Variants in CCNT2 observed in about 807,000 individuals in gnomAD.
CCNT2 encodes cyclin T2.
Under a neutral mutation model 70.0 loss-of-function variants are expected in CCNT2, and 18 were observed. The observed-to-expected ratio is 0.26, with a 90% CI of 0.18 to 0.38. The LOEUF (loss-of-function observed/expected upper bound fraction) is 0.38. CCNT2 is among the 10% of genes least tolerant of loss of function. The pLI, the probability that CCNT2 is intolerant of heterozygous loss-of-function variation, is 1.00. For missense variants in CCNT2, 734 were observed against 890.2 expected, an observed-to-expected ratio of 0.82 and a Z score of 2.23; for synonymous variants, 334 against 313.3, an observed-to-expected ratio of 1.07 and a Z score of -0.70.
intron 3 of CCNT2, among the ~76,000 whole-genome samples, chr2:134,938,104 T>C (rs1001106310): frequency 2.6e-5 from 4 of 152,186 alleles, no homozygotes; most frequent in African/African-American, 9.7e-5. Context: ...AATGTAGCCA[T>C]TAAATAATAG....
intron 2 of CCNT2, among the ~76,000 whole-genome samples, chr2:134,936,101 C>G (rs1377472085): frequency 2.0e-5 from 3 of 149,004 alleles, no homozygotes; most frequent in Non-Finnish European, 3.0e-5. Context: ...AAAATGGTGA[C>G]TCTGTGCCTA....
chr2:134,952,801 C>T (rs1343058326), intron 8 of CCNT2, 90 bp downstream of exon 8: 1 of 910,796 alleles, frequency 1.1e-6, no homozygotes, highest in Admixed American at 2.1e-5. Context: ...GTTAAATAAT[C>T]TTTGCAGTAT....
intron 7 of CCNT2, 24 bp from the exon 8 acceptor site, chr2:134,952,617 T>G (rs759492346): frequency 6.8e-7 from 1 of 1,473,838 alleles, no homozygotes; most frequent in South Asian, 1.2e-5. Flanking sequence ...CCTTCTAAGT[T>G]TCAAATTTAA....
In CCNT2 at chr2:134,956,380, A is replaced by G. The variant is rs1682925356; in HGVS notation, c.*1732A>G. ...GAGCCTCTTTGTAGGGACTGTGCCT[A>G]GGTAGCATGTCCTAACATTTGTTCT... On this transcript the variant is annotated 3_prime_UTR_variant, in exon 9 of 9. Transcript: ENST00000264157. 1 of 152,564 alleles carries G rather than the reference A, an allele frequency of 6.6e-6. No homozygotes were observed. The highest frequency in any genetic ancestry group is 1.5e-5 in the Non-Finnish European group (1 of 68,008). 9.5% of individuals were successfully genotyped at this position (152,564 alleles called of 1,614,324 possible).
At chr2:134,922,432 A>G (rs1484228092) in intron 2 of CCNT2, among the ~76,000 whole-genome samples, 3 of 152,232 alleles carry the variant, frequency 2.0e-5, no homozygotes, top group Admixed American at 2.0e-4. Flanking sequence ...AATATTTAAG[A>G]ATAAAATCAG....
At chr2:134,934,833 T>G (rs955410528) in intron 2 of CCNT2, among the ~76,000 whole-genome samples, 1 of 152,206 alleles carries the variant, frequency 6.6e-6, no homozygotes, top group African/African-American at 2.4e-5. Flanking sequence ...TAATTTGACT[T>G]TTGACCTGAG....
chr2:134,930,549 C>G (rs1408035932), intron 2 of CCNT2, among the ~76,000 whole-genome samples: 2 of 152,114 alleles, frequency 1.3e-5, no homozygotes, highest in Admixed American at 6.5e-5. Context: ...GGTATGGTAA[C>G]TTTAGACTCC....
rs16831175 is a variant in CCNT2 at position 134,951,244 on chromosome 2, A to C, written c.704-1397A>C. On this transcript the variant is annotated intron_variant, in intron 7 of 8. Transcript: ENST00000264157. ...ACATTGGCTTAGAATAGTTTACAAA[A>C]AAGCTTGCTATTACAAAATGAACCT... Among the ~76,000 whole-genome samples the C allele has an allele frequency of 0.019, 2,921 of 152,200 alleles. 221 individuals are homozygous for C. The East Asian group carries it at 0.29, about 15-fold the overall frequency.
At chr2:134,924,689 T>TC (rs1051149182) in intron 2 of CCNT2, among the ~76,000 whole-genome samples, 1 of 151,952 alleles carries the variant, frequency 6.6e-6, no homozygotes, top group Non-Finnish European at 1.5e-5. Context: ...ACCTCGTGAT[T>TC]CCCCCCACCT....
At chr2:134,941,780 A>G (rs1200520547) in intron 4 of CCNT2, among the ~76,000 whole-genome samples, 1 of 152,230 alleles carries the variant, frequency 6.6e-6, no homozygotes, top group Non-Finnish European at 1.5e-5. Flanking sequence ...CATATTCTTA[A>G]GCACAGAGAA....
Position 134,954,298 on chromosome 2 carries a change from A to G in CCNT2, c.1843A>G (p.Ser615Gly), listed in dbSNP as rs1254606101. The change falls in exon 9 of 9, where the codon AGC (serine) becomes GGC (glycine). Residue 615 changes from serine to glycine, a missense_variant. Ser to Gly is a moderately conservative substitution (Grantham distance 56). Transcript: ENST00000264157. ...CAGTGATGGCATTTCCTCTAGCTCCAGCTCTTCAAGGAAGAGGCTGCATGT... is the reference window on the plus strand; with the variant it reads ...CAGTGATGGCATTTCCTCTAGCTCCGGCTCTTCAAGGAAGAGGCTGCATGT... ...LSSDGISSSS[S>G]SSRKRLHVND... The G allele has an allele frequency of 1.2e-6, 2 of 1,614,146 alleles. No individual in the cohort carries two copies. Among genetic ancestry groups the G allele is most frequent in the Non-Finnish European group, 1.7e-6 (2 of 1,179,972 alleles).
chr2:134,928,270 A>ATTTATTTTTTTTTTTTTTTTTTT (rs1680442850), intron 2 of CCNT2, among the ~76,000 whole-genome samples: 1 of 77,990 alleles, frequency 1.3e-5, no homozygotes, highest in Non-Finnish European at 2.4e-5. Flanking sequence ...CTCACATTGT[A>ATTTATTTTTTTTTTTTTTTTTTT]TTTCTTTTTT....
intron 2 of CCNT2, among the ~76,000 whole-genome samples, chr2:134,924,695 C>A (rs968696015): frequency 8.5e-5 from 13 of 152,154 alleles, no homozygotes; most frequent in African/African-American, 2.9e-4. Flanking sequence ...TGATTCCCCC[C>A]ACCTCGACCT....
intron 2 of CCNT2, among the ~76,000 whole-genome samples, chr2:134,921,922 T>C (rs1679939266): frequency 6.6e-6 from 1 of 152,232 alleles, no homozygotes; most frequent in Non-Finnish European, 1.5e-5. Context: ...TCTGTTCATT[T>C]CTGTTTTGAG....
At chr2:134,921,585 C>G (rs1013204851) in intron 2 of CCNT2, among the ~76,000 whole-genome samples, 1 of 152,200 alleles carries the variant, frequency 6.6e-6, no homozygotes, top group African/African-American at 2.4e-5. Flanking sequence ...AGCTCCTGAC[C>G]TCAGGTGATC....
At chr2:134,938,966 T>A in intron 3 of CCNT2, 36 bp from the exon 4 acceptor site, 3 of 1,377,674 alleles carry the variant, frequency 2.2e-6, no homozygotes, top group South Asian at 2.4e-5. Context: ...ATGTTATTTT[T>A]ATTTTAATCA....
chr2:134,929,906 C>T (rs1680610378), intron 2 of CCNT2, among the ~76,000 whole-genome samples: 1 of 151,602 alleles, frequency 6.6e-6, no homozygotes, highest in South Asian at 2.1e-4. Flanking sequence ...CTGGCTTGGC[C>T]TCCCAAAGTG....
intron 2 of CCNT2, among the ~76,000 whole-genome samples, chr2:134,934,451 T>G (rs1457067143): frequency 2.0e-5 from 3 of 152,216 alleles, no homozygotes; most frequent in Non-Finnish European, 2.9e-5. Context: ...CAACTAGTAA[T>G]ATTTCTGTTA....
intron 2 of CCNT2, among the ~76,000 whole-genome samples, chr2:134,928,953 A>G (rs1166363574): frequency 6.6e-6 from 1 of 152,200 alleles, no homozygotes; most frequent in Non-Finnish European, 1.5e-5. Flanking sequence ...GTGTTGCTAT[A>G]GCTCCATGAT....
Sources: gnomAD v4.1 joint callset for allele counts (sites outside exome capture counted in the v4.1 genomes callset) on GRCh38, gnomAD v4.1.1 for gene constraint, MANE v1.5 for transcripts, NCBI Gene and HGNC (gene_info 2026-07-23, HGNC 2026-07-21) for gene names.